The following SREK1IP1 variants were observed in gnomAD, a reference collection of about 807,000 sequenced individuals.
The protein encoded by SREK1IP1 is SREK1 interacting protein 1.
In SREK1IP1, 12 loss-of-function variants were observed where a neutral mutation model predicts 22.8. That is an observed-to-expected ratio of 0.53 (90% CI 0.34 to 0.85). SREK1IP1 has a LOEUF of 0.85. SREK1IP1 is among the 40% of genes least tolerant of loss of function. SREK1IP1 has a pLI of 0.02. For missense variants in SREK1IP1, 147 were observed against 171.8 expected (o/e 0.86, Z 0.81); for synonymous variants, 53 against 52.7 (o/e 1.01, Z -0.02).
intron 4 of SREK1IP1, chr5:64,727,553 A>ATATATATTTTTTTTT: frequency 1.2e-5 from 1 of 84,682 alleles, no homozygotes; most frequent in African/African-American, 5.5e-5. Flanking sequence ...ATATATATAT[A>ATATATATTTTTTTTT]TTTTTTTTTT....
At chr5:64,744,904 C>T (rs140520812) in intron 2 of SREK1IP1, among the ~76,000 whole-genome samples, 59 of 152,308 alleles carry the variant, frequency 3.9e-4, no homozygotes, top group African/African-American at 1.4e-3. Flanking sequence ...CTTATGGGAA[C>T]TCAAACACAC....
rs1742140281 is a variant in SREK1IP1 at position 64,720,537 on chromosome 5, T to G, written c.*3847A>C. ...CTTTTTTTTTTTTTGAGATAGAGTC[T>G]CGCTCTGTCGCCCAGGCTGGAGTAC... On this transcript the variant is annotated 3_prime_UTR_variant, in exon 5 of 5. Transcript: ENST00000513458. The G allele has an allele frequency of 6.6e-6, 1 of 150,630 alleles. No homozygotes were observed. The highest frequency in any genetic ancestry group is 1.9e-4 in the East Asian group (1 of 5,140). The allele number at this position is 150,630 out of a possible 1,614,324, so 9.3% of individuals were successfully genotyped here.
In SREK1IP1 at chr5:64,718,715, A is replaced by C. The variant is rs1227792045; in HGVS notation, c.*5669T>G. 1 of 152,170 alleles carries C rather than the reference A, an allele frequency of 6.6e-6. No individual in the cohort carries two copies. Among genetic ancestry groups the C allele is most frequent in the African/African-American group, 2.4e-5 (1 of 41,462 alleles). 9.4% of individuals were successfully genotyped at this position (152,170 alleles called of 1,614,324 possible). ...ATCTAGAAATAAAACTAATTTCTGC[A>C]AATTATAATTTTTAAAGATTTTTAT... On this transcript the variant is annotated 3_prime_UTR_variant, in exon 5 of 5. Transcript: ENST00000513458.
intron 1 of SREK1IP1, among the ~76,000 whole-genome samples, chr5:64,765,873 C>T (rs1743025069): frequency 6.6e-6 from 1 of 152,174 alleles, no homozygotes; most frequent in Non-Finnish European, 1.5e-5. Context: ...TCCAGTGTGC[C>T]CATATCACAC....
chr5:64,759,339 G>A (rs541383167), intron 1 of SREK1IP1, among the ~76,000 whole-genome samples: 2 of 152,244 alleles, frequency 1.3e-5, no homozygotes, highest in East Asian at 3.9e-4. Flanking sequence ...GCTATATTGT[G>A]AGGTCCTTAC....
intron 3 of SREK1IP1, among the ~76,000 whole-genome samples, chr5:64,730,592 G>T (rs1308008688): frequency 6.6e-6 from 1 of 151,706 alleles, no homozygotes; most frequent in Non-Finnish European, 1.5e-5. Flanking sequence ...AAGAAAGATG[G>T]ATATATATAT....
chr5:64,724,662 T>C, intron 4 of SREK1IP1, 89 bp from the exon 5 acceptor site: 11 of 1,034,286 alleles, frequency 1.1e-5, no homozygotes, highest in Non-Finnish European at 1.5e-5. Context: ...AAATTCTTCT[T>C]GGAGTAAGGT....
chr5:64,768,199 T>A (rs2112124919), intron 1 of SREK1IP1, among the ~76,000 whole-genome samples: 1 of 152,218 alleles, frequency 6.6e-6, no homozygotes, highest in East Asian at 1.9e-4. Context: ...AGGTAGTTTT[T>A]CTCGGCCGCT....
At chr5:64,735,152 T>C (rs1461207260) in intron 3 of SREK1IP1, among the ~76,000 whole-genome samples, 1 of 128,356 alleles carries the variant, frequency 7.8e-6, no homozygotes, top group Non-Finnish European at 1.6e-5. Flanking sequence ...TCTTAAAATA[T>C]TGTGACAATG....
chr5:64,718,166 CTT>C lies in SREK1IP1; in HGVS notation c.*6216_*6217del, dbSNP rs1742088143. 1.7e-6 allele frequency: 1 copy of C among 595,990 alleles called. No homozygotes were observed. Among genetic ancestry groups the C allele is most frequent in the African/African-American group, 1.9e-5 (1 of 51,314 alleles). The allele number at this position is 595,990 out of a possible 1,614,324, so 36.9% of individuals were successfully genotyped here. A position where few individuals can be genotyped will look rare whatever the true frequency, so the allele number is the denominator to read the frequency against. On this transcript the variant is annotated 3_prime_UTR_variant, in exon 5 of 5. Transcript: ENST00000513458. ...AGCTGCATTTTTGATCATTCAGTTACTTTATTAAACGCACATTAAGGTTTTAT... is the reference window on the plus strand; with the variant it reads ...AGCTGCATTTTTGATCATTCAGTTACTATTAAACGCACATTAAGGTTTTAT...
At chr5:64,749,102 A>C (rs1018207042) in intron 2 of SREK1IP1, among the ~76,000 whole-genome samples, 5 of 144,932 alleles carry the variant, frequency 3.4e-5, no homozygotes, top group African/African-American at 5.3e-5. Context: ...AATAATAATA[A>C]TAATAAAAAC....
intron 3 of SREK1IP1, among the ~76,000 whole-genome samples, chr5:64,733,124 T>G (rs73097694): frequency 6.6e-6 from 1 of 151,864 alleles, no homozygotes; most frequent in Admixed American, 6.6e-5. Flanking sequence ...GATCTATGCA[T>G]AGGCAAAGGT....
At chr5:64,741,332 T>TA in intron 2 of SREK1IP1, 132 bp from the exon 3 acceptor site, 1 of 889,226 alleles carries the variant, frequency 1.1e-6, no homozygotes, top group East Asian at 2.7e-5. Context: ...CTTTAACTTT[T>TA]ATTCAGTTGG....
chr5:64,731,684 A>G (rs1490933491), intron 3 of SREK1IP1, among the ~76,000 whole-genome samples: 3 of 152,218 alleles, frequency 2.0e-5, no homozygotes, highest in Admixed American at 2.0e-4. Context: ...TGTCTTGAAC[A>G]TATAAAAAAT....
At chr5:64,726,275 T>C (rs1015832086) in intron 4 of SREK1IP1, among the ~76,000 whole-genome samples, 2 of 152,006 alleles carry the variant, frequency 1.3e-5, no homozygotes, top group African/African-American at 4.8e-5. Flanking sequence ...TAATTTCAGG[T>C]TTGTGATGCT....
Position 64,719,483 on chromosome 5 carries a change from T to G in SREK1IP1, c.*4901A>C, listed in dbSNP as rs748619664. On this transcript the variant is annotated 3_prime_UTR_variant, in exon 5 of 5. Coordinates refer to ENST00000513458, the MANE Select transcript of SREK1IP1 (RefSeq NM_173829.4). ...AAGCTTTTATGGGTGCTTCTTGATC[T>G]TTGATACAACTTTGATTTTAAAGTA... The G allele has an allele frequency of 7.9e-5, 12 of 152,218 alleles. No homozygotes were observed. The highest frequency in any genetic ancestry group is 1.5e-4 in the Non-Finnish European group (10 of 68,036). 9.4% of individuals were successfully genotyped at this position (152,218 alleles called of 1,614,324 possible).
At position 64,718,169 on chromosome 5, in the gene SREK1IP1, T is replaced by A; in HGVS notation, c.*6215A>T. On this transcript the variant is annotated 3_prime_UTR_variant, in exon 5 of 5. Coordinates refer to ENST00000513458, the MANE Select transcript of SREK1IP1 (RefSeq NM_173829.4). The stretch of plus-strand genomic sequence containing the variant: ...TGCATTTTTGATCATTCAGTTACTT[T>A]ATTAAACGCACATTAAGGTTTTATT... 1.7e-6 allele frequency: 1 copy of A among 587,162 alleles called. No individual in the cohort carries two copies. The highest frequency in any genetic ancestry group is 2.7e-6 in the Non-Finnish European group (1 of 368,194). 36.4% of individuals were successfully genotyped at this position (587,162 alleles called of 1,614,324 possible).
At position 64,746,856 on chromosome 5, in the gene SREK1IP1, CT is replaced by C. The variant is rs1039266369; in HGVS notation, c.62-5657del. ...CCCATTTCTGATGCCTATAGCGAGT[CT>C]AGGCCACCCATACTTCTGACCAGCC... On this transcript the variant is annotated intron_variant, in intron 2 of 4. Transcript: ENST00000513458. Among the ~76,000 whole-genome samples, 9 of 152,310 alleles carry C rather than the reference CT, an allele frequency of 5.9e-5. No homozygotes were observed. In the South Asian group the frequency reaches 1.4e-3, roughly 25 times the overall value.
rs908083045 is a variant in SREK1IP1, at chr5:64,724,092, A to G, written c.*292T>C. 1.8e-5 allele frequency: 4 copies of G among 220,180 alleles called. No homozygotes were observed. Among genetic ancestry groups the G allele is most frequent in the Non-Finnish European group, 2.7e-5 (3 of 112,842 alleles). 13.6% of individuals were successfully genotyped at this position (220,180 alleles called of 1,614,324 possible). On this transcript the variant is annotated 3_prime_UTR_variant, in exon 5 of 5. Transcript: ENST00000513458. ...CCATTTTACAATGAACTTATGAAGTAGTAACACTAGCCAAACACACAGAGA... is the reference window on the plus strand; with the variant it reads ...CCATTTTACAATGAACTTATGAAGTGGTAACACTAGCCAAACACACAGAGA...
Sources: gnomAD v4.1 joint callset for allele counts (sites outside exome capture counted in the v4.1 genomes callset) on GRCh38, gnomAD v4.1.1 for gene constraint, MANE v1.5 for transcripts, NCBI Gene and HGNC (gene_info 2026-07-23, HGNC 2026-07-21) for gene names.